Variants in FSTL1 observed in about 807,000 individuals in gnomAD.
FSTL1 encodes follistatin like 1, also known as follistatin-related protein 1.
Under a neutral mutation model 45.9 loss-of-function variants are expected in FSTL1, and 24 were observed. The ratio of observed to expected loss-of-function variants is 0.52; its 90% CI spans 0.38 to 0.74. FSTL1 has a LOEUF of 0.74. Among genes scored for constraint, FSTL1 ranks in the 30% least tolerant of loss-of-function variants. The pLI is 0.00. For missense variants in FSTL1, 340 were observed against 381.8 expected (o/e 0.89, Z 0.91); for synonymous variants, 120 against 137.6 (o/e 0.87, Z 0.89).
chr3:120,450,630 G>A (rs1274000954), intron 2 of FSTL1, 54 bp downstream of exon 2: 5 of 1,262,370 alleles, frequency 4.0e-6, no homozygotes, highest in Non-Finnish European at 5.3e-6. Context: ...CGCCCAGCGC[G>A]CAGACCCAAG....
At chr3:120,445,256 G>C (rs1937712506) in intron 2 of FSTL1, among the ~76,000 whole-genome samples, 1 of 149,880 alleles carries the variant, frequency 6.7e-6, no homozygotes, top group African/African-American at 2.5e-5. Flanking sequence ...GCCATTTATT[G>C]TTAACAAGTT....
rs150545653 is a variant in FSTL1, at chr3:120,448,378, G to T, written c.63+2306C>A. Reference sequence around the variant, plus strand: ...AAGCACCATTAACTACAAGATAAAAGGCTTTTAAAAAATCCAAATTACAAT... The same window carrying T: ...AAGCACCATTAACTACAAGATAAAATGCTTTTAAAAAATCCAAATTACAAT... On this transcript the variant is annotated intron_variant, in intron 2 of 10. Transcript: ENST00000295633. 2.1e-4 allele frequency among the ~76,000 whole-genome samples: 32 copies of T among 152,198 alleles called. 1 individual carries two copies. In the East Asian group the frequency reaches 2.3e-3, roughly 11 times the overall value.
chr3:120,442,503 G>C (rs1937643063), intron 2 of FSTL1, among the ~76,000 whole-genome samples: 1 of 152,180 alleles, frequency 6.6e-6, no homozygotes, highest in Admixed American at 6.5e-5. Context: ...AGTTAGGCCT[G>C]GCATCGTGGC....
intron 2 of FSTL1, among the ~76,000 whole-genome samples, chr3:120,428,351 TG>T (rs1421956506): frequency 2.0e-5 from 3 of 152,132 alleles, no homozygotes; most frequent in African/African-American, 7.2e-5. Flanking sequence ...TGGTGGAGGC[TG>T]GGGGGATAGT....
chr3:120,401,485 C>A (rs1292725307), intron 9 of FSTL1, among the ~76,000 whole-genome samples: 3 of 152,198 alleles, frequency 2.0e-5, no homozygotes. Flanking sequence ...TCCTGGGTTT[C>A]TGACCTCTGT....
intron 9 of FSTL1, 50 bp from the exon 10 acceptor site, chr3:120,400,009 G>A (rs779980432): frequency 1.6e-6 from 2 of 1,273,640 alleles, no homozygotes; most frequent in Admixed American, 1.9e-5. Flanking sequence ...GTAAGCCAGT[G>A]AGGAATCCGC....
At chr3:120,435,167 C>A (rs958888655) in intron 2 of FSTL1, among the ~76,000 whole-genome samples, 1 of 152,026 alleles carries the variant, frequency 6.6e-6, no homozygotes, top group Non-Finnish European at 1.5e-5. Flanking sequence ...TGCAGTGAGC[C>A]GAGATCCTGC....
chr3:120,450,285 C>T (rs1469079844), intron 2 of FSTL1, among the ~76,000 whole-genome samples: 5 of 152,128 alleles, frequency 3.3e-5, no homozygotes, highest in Non-Finnish European at 7.4e-5. Flanking sequence ...ATTCCTCTGC[C>T]CCCGCCCCCA....
intron 2 of FSTL1, among the ~76,000 whole-genome samples, chr3:120,433,355 C>G (rs940326660): frequency 6.6e-6 from 1 of 152,206 alleles, no homozygotes; most frequent in Non-Finnish European, 1.5e-5. Flanking sequence ...GTGCTGTCAA[C>G]CATCTTCCCA....
chr3:120,444,089 T>C lies in FSTL1; in HGVS notation c.63+6595A>G, dbSNP rs192548314. On this transcript the variant is annotated intron_variant, in intron 2 of 10. Coordinates refer to ENST00000295633, the MANE Select transcript of FSTL1 (RefSeq NM_007085.5). ...TCTGGCTTACTTTAAGGTGTTCAGA[T>C]TCATCCAAAGAGCTTAGAAACTTGG... Among the ~76,000 whole-genome samples, 230 of 150,038 alleles carry C rather than the reference T, an allele frequency of 1.5e-3. 14 individuals are homozygous for C. Among genetic ancestry groups the C allele is most frequent in the Middle Eastern group, 0.014 (4 of 294 alleles).
Position 120,448,774 on chromosome 3 carries a change from C to T in FSTL1, c.63+1910G>A, listed in dbSNP as rs149684799. On this transcript the variant is annotated intron_variant, in intron 2 of 10. Transcript: ENST00000295633. Reference sequence around the variant, plus strand: ...AATTGCTGCTGGGGGAACTTCCTACCAGGGATAAGTTTTCCCTGTGTGGAA... The same window carrying T: ...AATTGCTGCTGGGGGAACTTCCTACTAGGGATAAGTTTTCCCTGTGTGGAA... Among the ~76,000 whole-genome samples, 576 of 152,252 alleles carry T rather than the reference C, an allele frequency of 3.8e-3. 8 individuals are homozygous for T. Among genetic ancestry groups the T allele is most frequent in the African/African-American group, 0.013 (528 of 41,528 alleles).
intron 3 of FSTL1, among the ~76,000 whole-genome samples, chr3:120,415,420 G>A (rs115508551): frequency 0.039 from 5,969 of 152,236 alleles, 340 homozygotes; most frequent in Admixed American, 0.16. Context: ...TGATCTAGAG[G>A]GTTGTCCCTG....
At chr3:120,418,844 G>C (rs1937231655) in intron 2 of FSTL1, among the ~76,000 whole-genome samples, 1 of 152,182 alleles carries the variant, frequency 6.6e-6, no homozygotes, top group African/African-American at 2.4e-5. Flanking sequence ...AACTGAAAGT[G>C]GCTATTACTA....
At chr3:120,403,965 A>G (rs28399895) in intron 7 of FSTL1, among the ~76,000 whole-genome samples, 1 of 57,744 alleles carries the variant, frequency 1.7e-5, no homozygotes, top group African/African-American at 7.9e-5. Flanking sequence ...ACAAAACAAA[A>G]ACAAAAACAA....
chr3:120,403,931 A>AAAC (rs1936883620), intron 7 of FSTL1, among the ~76,000 whole-genome samples: 2 of 130,542 alleles, frequency 1.5e-5, no homozygotes, highest in African/African-American at 5.7e-5. Context: ...AAAAAAAAAA[A>AAAC]AAAAAAAAAA....
Position 120,412,819 on chromosome 3 carries a change from TGCGCGCGC to T in FSTL1, c.169-844_169-837del, listed in dbSNP as rs67648835. Among the ~76,000 whole-genome samples, 312 of 68,826 alleles carry T rather than the reference TGCGCGCGC, an allele frequency of 4.5e-3. 1 individual carries two copies. Among genetic ancestry groups the T allele is most frequent in the Non-Finnish European group, 8.5e-3 (250 of 29,338 alleles). 45.2% of individuals were successfully genotyped at this position (68,826 alleles called of 152,430 possible). On this transcript the variant is annotated intron_variant, in intron 3 of 10. Coordinates refer to ENST00000295633, the MANE Select transcript of FSTL1 (RefSeq NM_007085.5). ...GCAGGCAGGCAAACACACACACATGTGCGCGCGCGCGCGCGCGCGCACACACACACACA... is the reference window on the plus strand; with the variant it reads ...GCAGGCAGGCAAACACACACACATGTGCGCGCGCGCGCACACACACACACA...
intron 9 of FSTL1, chr3:120,400,183 C>T: frequency 5.3e-6 from 3 of 561,214 alleles, no homozygotes; most frequent in Admixed American, 3.1e-5. Flanking sequence ...TCCTCTCTGG[C>T]CTTTGTTCCT....
chr3:120,422,811 C>T (rs1937304491), intron 2 of FSTL1, among the ~76,000 whole-genome samples: 1 of 152,146 alleles, frequency 6.6e-6, no homozygotes, highest in African/African-American at 2.4e-5. Context: ...TCTCCTGCCT[C>T]AGCCTTCCCA....
chr3:120,409,591 G>C lies in FSTL1; in HGVS notation c.403C>G (p.Pro135Ala), dbSNP rs1199351678. The C allele has an allele frequency of 6.2e-7, 1 of 1,613,834 alleles. No individual in the cohort carries two copies. ...IIQWLEAEII[P>A]DGWFSKGSNY... ...CTGCCTTTAGAGAACCAGCCATCTGGAATGATCTCAGCTTCCAGCCACTGG... is the reference window on the plus strand; with the variant it reads ...CTGCCTTTAGAGAACCAGCCATCTGCAATGATCTCAGCTTCCAGCCACTGG... Residue 135 changes from proline (P) to alanine (A), a missense_variant, in exon 6 of 11, where the codon CCA becomes GCA. Coordinates refer to ENST00000295633, the MANE Select transcript of FSTL1 (RefSeq NM_007085.5).
Sources: allele counts gnomAD v4.1 joint callset (sites outside exome capture counted in the v4.1 genomes callset), GRCh38; gene constraint gnomAD v4.1.1; transcripts MANE v1.5; gene names NCBI Gene and HGNC (gene_info 2026-07-23, HGNC 2026-07-21).